Variants in SULF1 observed in about 807,000 individuals in gnomAD.
The protein encoded by SULF1 is sulfatase 1, also known as extracellular sulfatase Sulf-1.
Under a neutral mutation model 110.5 loss-of-function variants are expected in SULF1, and 46 were observed. The observed-to-expected ratio is 0.42, with a 90% CI of 0.33 to 0.53. The LOEUF (loss-of-function observed/expected upper bound fraction) is 0.53, where lower values mean the gene tolerates loss of function less well. SULF1 is among the 20% of genes least tolerant of loss of function. The pLI is 0.12. For missense variants in SULF1, 941 were observed against 1,094.2 expected (o/e 0.86, Z 1.98); for synonymous variants, 371 against 387.1 (o/e 0.96, Z 0.49).
intron 6 of SULF1, among the ~76,000 whole-genome samples, chr8:69,578,672 T>C (rs988987366): frequency 1.3e-5 from 2 of 152,062 alleles, no homozygotes; most frequent in African/African-American, 4.8e-5. Flanking sequence ...TGTCACTTTT[T>C]TGTGCAGCCC....
rs565444651 is a variant in SULF1 at position 69,607,668 on chromosome 8, C to G, written c.1377+2736C>G. On this transcript the variant is annotated intron_variant, in intron 13 of 22. Transcript: ENST00000402687. ...AGCGAGCCTCCATGCCCAGGCAGCT[C>G]TGTTGTGTTCTATCGACTTTTTATA... Among the ~76,000 whole-genome samples, 3 of 152,310 alleles carry G rather than the reference C, an allele frequency of 2.0e-5. No homozygotes were observed. In the South Asian group the frequency reaches 6.2e-4, roughly 32 times the overall value.
At position 69,564,278 on chromosome 8, in the gene SULF1, A is replaced by G. The variant is rs1271695200; in HGVS notation, c.172+131A>G. ...ATTAACCAACACCCTAGTTTACGCAATGAACTTGTATTGACCATAAGGCAT... is the reference window on the plus strand; with the variant it reads ...ATTAACCAACACCCTAGTTTACGCAGTGAACTTGTATTGACCATAAGGCAT... On this transcript the variant is annotated intron_variant, in intron 5 of 22. Coordinates refer to ENST00000402687, the MANE Select transcript of SULF1 (RefSeq NM_001128205.2). 6 of 1,067,040 alleles carry G rather than the reference A, an allele frequency of 5.6e-6. No homozygotes were observed. The African/African-American group carries it at 9.4e-5, about 17-fold the overall frequency. 66.1% of individuals were successfully genotyped at this position (1,067,040 alleles called of 1,614,324 possible). A position where few individuals can be genotyped will look rare whatever the true frequency, so the allele number is the denominator to read the frequency against.
chr8:69,564,044 G>A lies in SULF1; in HGVS notation c.69G>A (p.Ser23=), dbSNP rs201650068. The A allele has an allele frequency of 3.2e-5, 51 of 1,614,056 alleles. No homozygotes were observed. Among genetic ancestry groups the A allele is most frequent in the Non-Finnish European group, 4.0e-5 (47 of 1,180,040 alleles). The part of the protein sequence containing the change: ...LGTELLGSLC[S]TVRSPRFRGR... ...CAGAATTGCTGGGAAGCCTCTGTTC[G>A]ACTGTCAGATCCCCGAGGTTCAGAG... is the stretch of plus-strand genomic sequence containing the variant. Residue 23 remains serine (S), a synonymous_variant, in exon 5 of 23, where the codon TCG becomes TCA. Transcript: ENST00000402687.
intron 13 of SULF1, among the ~76,000 whole-genome samples, chr8:69,613,732 A>G (rs774342645): frequency 2.6e-5 from 4 of 152,170 alleles, no homozygotes; most frequent in Non-Finnish European, 5.9e-5. Flanking sequence ...ACAGTTTACC[A>G]CCAGAAAACA....
intron 3 of SULF1, among the ~76,000 whole-genome samples, chr8:69,544,278 T>G (rs925143912): frequency 2.0e-5 from 3 of 149,630 alleles, no homozygotes; most frequent in Admixed American, 6.7e-5. Flanking sequence ...TTTTTGTTTG[T>G]TTTTTTTTGA....
At chr8:69,616,884 T>A (rs1809193337) in intron 13 of SULF1, among the ~76,000 whole-genome samples, 1 of 152,026 alleles carries the variant, frequency 6.6e-6, no homozygotes, top group Admixed American at 6.6e-5. Flanking sequence ...TTTTCCTGTC[T>A]GATAGAAGAT....
Position 69,660,731 on chromosome 8 carries a change from G to A in SULF1, c.*2196G>A, listed in dbSNP as rs1370605414. 1 of 152,456 alleles carries A rather than the reference G, an allele frequency of 6.6e-6. No individual in the cohort carries two copies. The highest frequency in any genetic ancestry group is 1.5e-5 in the Non-Finnish European group (1 of 68,000). The allele number at this position is 152,456 out of a possible 1,614,324, so 9.4% of individuals were successfully genotyped here. A position where few individuals can be genotyped will look rare whatever the true frequency, so the allele number is the denominator to read the frequency against. On this transcript the variant is annotated 3_prime_UTR_variant, in exon 23 of 23. Transcript: ENST00000402687. ...TGCCTGATGTGTGTATCATCGGTGG[G>A]ATGACAGAACAAACATATTTATGAT...
At chr8:69,573,982 C>T (rs968381089) in intron 5 of SULF1, among the ~76,000 whole-genome samples, 7 of 152,136 alleles carry the variant, frequency 4.6e-5, no homozygotes, top group African/African-American at 1.7e-4. Context: ...GAGGCATAGT[C>T]GTCCGAGTTC....
At chr8:69,499,392 A>G (rs1221765249) in intron 2 of SULF1, among the ~76,000 whole-genome samples, 5 of 152,236 alleles carry the variant, frequency 3.3e-5, no homozygotes, top group Non-Finnish European at 7.3e-5. Context: ...TAAAGAATAA[A>G]TTTGTTTTAA....
At chr8:69,640,403 C>T (rs955707409) in intron 21 of SULF1, among the ~76,000 whole-genome samples, 4 of 152,180 alleles carry the variant, frequency 2.6e-5, no homozygotes, top group Non-Finnish European at 5.9e-5. Context: ...TCACTTCAAG[C>T]CGTCCTCTCC....
In SULF1 at chr8:69,660,081, C is replaced by A. The variant is rs1336634074; in HGVS notation, c.*1546C>A. Reference sequence around the variant, plus strand: ...TGAAGATTGCCTGCTCTCTCTGTGCCTAGCCTCAAAGCGTTCATCATACAT... The same window carrying A: ...TGAAGATTGCCTGCTCTCTCTGTGCATAGCCTCAAAGCGTTCATCATACAT... On this transcript the variant is annotated 3_prime_UTR_variant, in exon 23 of 23. Coordinates refer to ENST00000402687, the MANE Select transcript of SULF1 (RefSeq NM_001128205.2). 1 of 152,558 alleles carries A rather than the reference C, an allele frequency of 6.6e-6. No individual in the cohort carries two copies. Among genetic ancestry groups the A allele is most frequent in the African/African-American group, 2.4e-5 (1 of 41,442 alleles). 9.5% of individuals were successfully genotyped at this position (152,558 alleles called of 1,614,324 possible).
At chr8:69,651,577 G>A (rs745592911) in intron 22 of SULF1, among the ~76,000 whole-genome samples, 57 of 152,094 alleles carry the variant, frequency 3.7e-4, no homozygotes, top group Admixed American at 1.9e-3. Context: ...AATGAACGTT[G>A]AATTTGTCAA....
At chr8:69,491,567 A>G (rs1809943679), upstream of SULF1, among the ~76,000 whole-genome samples, 1 of 152,254 alleles carries the variant, frequency 6.6e-6, no homozygotes, top group African/African-American at 2.4e-5. Flanking sequence ...AGTAAAGTTT[A>G]GAGGCTCCCC....
chr8:69,529,892 C>T (rs1812965987), intron 3 of SULF1, among the ~76,000 whole-genome samples: 1 of 152,152 alleles, frequency 6.6e-6, no homozygotes, highest in Non-Finnish European at 1.5e-5. Context: ...ATTGGTTACC[C>T]AGGTCAGCCA....
At chr8:69,567,317 A>G (rs1815958007) in intron 5 of SULF1, among the ~76,000 whole-genome samples, 1 of 152,104 alleles carries the variant, frequency 6.6e-6, no homozygotes, top group South Asian at 2.1e-4. Flanking sequence ...CTAGAACATT[A>G]TTGCTCTAGA....
chr8:69,601,577 G>A (rs1284514675), intron 9 of SULF1, 77 bp from the exon 10 acceptor site: 13 of 1,210,514 alleles, frequency 1.1e-5, no homozygotes, highest in African/African-American at 1.6e-5. Context: ...AGATTTGGGG[G>A]CAATCGTGGC....
At chr8:69,524,666 A>G (rs1812542186) in intron 3 of SULF1, among the ~76,000 whole-genome samples, 1 of 152,192 alleles carries the variant, frequency 6.6e-6, no homozygotes, top group South Asian at 2.1e-4. Context: ...TGAATATCCT[A>G]GAGTTATGTT....
At chr8:69,596,962 C>G (rs73683996) in intron 8 of SULF1, 2 of 152,042 alleles carry the variant, frequency 1.3e-5, no homozygotes, top group African/African-American at 4.8e-5. Flanking sequence ...GAGACTTAGA[C>G]AAAAAGTTGT....
rs140548397 is a variant in SULF1, at chr8:69,509,173, TA to T, written c.-134+7207del. 8.1e-3 allele frequency among the ~76,000 whole-genome samples: 1,227 copies of T among 152,300 alleles called. 12 individuals carry two copies. The highest frequency in any genetic ancestry group is 0.028 in the African/African-American group (1,167 of 41,542). On this transcript the variant is annotated intron_variant, in intron 3 of 22. Transcript: ENST00000402687. ...TGTTATTGTTGTAATATTTAAAGGA[TA>T]AGGCATTACATGGTGATCATTAGTT...
Sources: allele counts gnomAD v4.1 joint callset (sites outside exome capture counted in the v4.1 genomes callset), GRCh38; gene constraint gnomAD v4.1.1; transcripts MANE v1.5; gene names NCBI Gene and HGNC (gene_info 2026-07-23, HGNC 2026-07-21).